Variants in SCAMP1 observed in about 807,000 individuals in gnomAD.
SCAMP1 encodes secretory carrier-associated membrane protein 1.
In SCAMP1, 15 loss-of-function variants were observed where a neutral mutation model predicts 41.8. The observed-to-expected ratio is 0.36, with a 90% CI of 0.24 to 0.55. The LOEUF is 0.55. Ranked by LOEUF, SCAMP1 falls within the 20% of genes least tolerant of loss-of-function variation. SCAMP1 has a pLI of 0.86. For missense variants in SCAMP1, 341 were observed against 412.6 expected, an observed-to-expected ratio of 0.83 and a Z score of 1.50; for synonymous variants, 135 against 136.8, an observed-to-expected ratio of 0.99 and a Z score of 0.09.
At chr5:78,375,264 T>C (rs945050780) in intron 1 of SCAMP1, among the ~76,000 whole-genome samples, 1 of 152,190 alleles carries the variant, frequency 6.6e-6, no homozygotes, top group African/African-American at 2.4e-5. Context: ...TGAGGAAATA[T>C]AGTTTTGAAC....
chr5:78,414,254 C>T (rs1325056284), intron 2 of SCAMP1, among the ~76,000 whole-genome samples: 1 of 151,524 alleles, frequency 6.6e-6, no homozygotes, highest in Non-Finnish European at 1.5e-5. Flanking sequence ...CTGTAGCTTG[C>T]TTTATTTTTT....
intron 7 of SCAMP1, among the ~76,000 whole-genome samples, chr5:78,455,115 T>C (rs1580709465): frequency 6.6e-6 from 1 of 150,888 alleles, no homozygotes; most frequent in East Asian, 2.0e-4. Flanking sequence ...TCAATTTTGT[T>C]GATCCTTTCA....
At chr5:78,450,332 G>T (rs1753188985) in intron 7 of SCAMP1, among the ~76,000 whole-genome samples, 2 of 152,082 alleles carry the variant, frequency 1.3e-5, no homozygotes, top group South Asian at 4.2e-4. Context: ...GAGAGATAGA[G>T]GGACCAAGGA....
chr5:78,375,728 AACTT>A (rs1290069621), intron 1 of SCAMP1, among the ~76,000 whole-genome samples: 2 of 152,164 alleles, frequency 1.3e-5, no homozygotes, highest in African/African-American at 4.8e-5. Flanking sequence ...AATTTTGAAA[AACTT>A]AGAGGAAATT....
intron 7 of SCAMP1, among the ~76,000 whole-genome samples, chr5:78,456,796 A>G (rs1431361555): frequency 7.9e-6 from 1 of 127,212 alleles, no homozygotes; most frequent in Non-Finnish European, 1.6e-5. Flanking sequence ...ACTTGGTTCC[A>G]TTCTCCCCAT....
At chr5:78,421,319 A>G (rs1446199804) in intron 5 of SCAMP1, among the ~76,000 whole-genome samples, 5 of 152,234 alleles carry the variant, frequency 3.3e-5, no homozygotes, top group Non-Finnish European at 4.4e-5. Context: ...TGAATGAACA[A>G]TCCTTATACA....
At chr5:78,403,670 A>G (rs1251594522) in intron 2 of SCAMP1, among the ~76,000 whole-genome samples, 1 of 152,058 alleles carries the variant, frequency 6.6e-6, no homozygotes, top group Non-Finnish European at 1.5e-5. Context: ...AAGAACAAAA[A>G]TTAGCCAGGC....
intron 6 of SCAMP1, among the ~76,000 whole-genome samples, chr5:78,427,418 A>G (rs567263088): frequency 6.6e-6 from 1 of 152,258 alleles, no homozygotes; most frequent in South Asian, 2.1e-4. Flanking sequence ...CACCTCCAAC[A>G]TTGGGAATCA....
intron 6 of SCAMP1, among the ~76,000 whole-genome samples, chr5:78,439,714 A>G (rs1752868050): frequency 6.6e-6 from 1 of 152,088 alleles, no homozygotes; most frequent in African/African-American, 2.4e-5. Flanking sequence ...CTTCTCAGGT[A>G]GTATCTGTGT....
intron 2 of SCAMP1, among the ~76,000 whole-genome samples, chr5:78,402,809 T>C (rs994921410): frequency 6.6e-6 from 1 of 152,134 alleles, no homozygotes; most frequent in Non-Finnish European, 1.5e-5. Flanking sequence ...TGGGTTAATA[T>C]ATATCATATT....
intron 2 of SCAMP1, among the ~76,000 whole-genome samples, chr5:78,393,582 G>A (rs1325829751): frequency 6.6e-6 from 1 of 152,180 alleles, no homozygotes; most frequent in Non-Finnish European, 1.5e-5. Flanking sequence ...TGTCATGAAA[G>A]CCTCTTGAGC....
At chr5:78,442,383 G>T (rs1008665397) in intron 6 of SCAMP1, among the ~76,000 whole-genome samples, 10 of 152,234 alleles carry the variant, frequency 6.6e-5, no homozygotes, top group African/African-American at 2.4e-4. Flanking sequence ...CAGTTCTCCT[G>T]TCTCAGCCTC....
intron 2 of SCAMP1, among the ~76,000 whole-genome samples, chr5:78,411,359 G>A (rs1752070376): frequency 6.6e-6 from 1 of 152,110 alleles, no homozygotes; most frequent in Admixed American, 6.6e-5. Flanking sequence ...GAGATACTGG[G>A]TGTGGGGGAA....
intron 7 of SCAMP1, among the ~76,000 whole-genome samples, chr5:78,456,252 G>A (rs867776774): frequency 4.1e-5 from 6 of 146,094 alleles, no homozygotes; most frequent in South Asian, 2.3e-4. Context: ...GATTTTGCTC[G>A]TTAGTTGATG....
chr5:78,391,097 C>T (rs1291748044), intron 2 of SCAMP1, among the ~76,000 whole-genome samples: 1 of 117,540 alleles, frequency 8.5e-6, no homozygotes, highest in Non-Finnish European at 2.0e-5. Flanking sequence ...AATCTTTTCC[C>T]CACCTTTCCC....
chr5:78,423,594 A>G (rs1180172553), intron 6 of SCAMP1, among the ~76,000 whole-genome samples: 1 of 152,076 alleles, frequency 6.6e-6, no homozygotes, highest in Non-Finnish European at 1.5e-5. Flanking sequence ...TTGGATTTTA[A>G]ACCTTCTGTT....
At chr5:78,386,183 C>G (rs946848813) in intron 1 of SCAMP1, among the ~76,000 whole-genome samples, 11 of 152,086 alleles carry the variant, frequency 7.2e-5, no homozygotes, top group Non-Finnish European at 1.0e-4. Flanking sequence ...TCCTGTTGGA[C>G]TATTCCTTTT....
rs1017789048 is a variant in SCAMP1, at chr5:78,360,645, G to A, written c.-27G>A. ...TCGTCTCTCTCTCTGCGCCTGGGTC[G>A]GGTGGGTGACGCCGAGAGCCAGAGA... On this transcript the variant is annotated 5_prime_UTR_variant, in exon 1 of 9. Coordinates refer to ENST00000621999, the MANE Select transcript of SCAMP1 (RefSeq NM_004866.6). 1 of 1,599,176 alleles carries A rather than the reference G, an allele frequency of 6.3e-7. No individual in the cohort carries two copies. The highest frequency in any genetic ancestry group is 1.7e-5 in the Admixed American group (1 of 58,616).
intron 8 of SCAMP1, among the ~76,000 whole-genome samples, chr5:78,463,341 G>A (rs1046366181): frequency 5.3e-5 from 8 of 152,198 alleles, no homozygotes; most frequent in Admixed American, 2.0e-4. Flanking sequence ...CATAAATTAA[G>A]GTCTTAAATG....
Sources: allele counts gnomAD v4.1 joint callset (sites outside exome capture counted in the v4.1 genomes callset), GRCh38; gene constraint gnomAD v4.1.1; transcripts MANE v1.5; gene names NCBI Gene and HGNC (gene_info 2026-07-23, HGNC 2026-07-21).